Variants in TMPRSS5 observed in about 807,000 individuals in gnomAD.
The protein encoded by TMPRSS5 is transmembrane protease serine 5.
A neutral mutation model predicts 59.7 loss-of-function variants in TMPRSS5; 45 were observed. The observed-to-expected ratio is 0.75, with a 90% CI of 0.59 to 0.97. TMPRSS5 has a LOEUF of 0.97. TMPRSS5 is among the 50% of genes least tolerant of loss of function. The probability of loss-of-function intolerance (pLI) is 0.00; values close to 1 mark genes in which losing one functional copy is unlikely to be tolerated. For synonymous variants in TMPRSS5, 225 were observed against 232.0 expected (o/e 0.97, Z 0.27); for missense variants, 585 against 596.7 (o/e 0.98, Z 0.20).
Position 113,694,992 on chromosome 11 carries a change from AG to A in TMPRSS5, c.623-353del, listed in dbSNP as rs1173617750. Among the ~76,000 whole-genome samples the A allele has an allele frequency of 2.0e-5, 3 of 152,214 alleles. No homozygotes were observed. In the South Asian group the frequency reaches 6.2e-4, roughly 32 times the overall value. ...GTAGATGAACGGGAAGACCAATGAA[AG>A]GAACTCCACAGATTGCTTCCCGTTT... On this transcript the variant is annotated intron_variant, in intron 7 of 12. Transcript: ENST00000299882.
chr11:113,689,358 A>G (rs1419566701), intron 12 of TMPRSS5, among the ~76,000 whole-genome samples: 2 of 152,068 alleles, frequency 1.3e-5, no homozygotes, highest in Non-Finnish European at 2.9e-5. Flanking sequence ...CTCCATCTCA[A>G]AAAAAAACAA....
rs536292107 is a variant in TMPRSS5, at chr11:113,693,945, C to A, written c.785+533G>T. 9.9e-5 allele frequency among the ~76,000 whole-genome samples: 15 copies of A among 152,262 alleles called. No homozygotes were observed. The South Asian group carries it at 3.1e-3, about 32-fold the overall frequency. ...GATAAGCCTGAAGAAACACAGGATA[C>A]TGTGAATGTGAAAGTATTTTTAACA... is the stretch of plus-strand genomic sequence containing the variant. On this transcript the variant is annotated intron_variant, in intron 8 of 12. Coordinates refer to ENST00000299882, the MANE Select transcript of TMPRSS5 (RefSeq NM_030770.4).
intron 8 of TMPRSS5, chr11:113,693,595 T>C (rs1340625142): frequency 5.4e-6 from 1 of 185,474 alleles, no homozygotes; most frequent in Non-Finnish European, 1.1e-5. Flanking sequence ...GTCCCATCTC[T>C]CAACTTACTG....
intron 12 of TMPRSS5, among the ~76,000 whole-genome samples, chr11:113,688,754 G>T (rs1233904503): frequency 6.6e-6 from 1 of 152,000 alleles, no homozygotes; most frequent in Non-Finnish European, 1.5e-5. Context: ...GTATAGACAG[G>T]GTTTCACCAT....
intron 4 of TMPRSS5, among the ~76,000 whole-genome samples, chr11:113,698,663 C>T (rs531866205): frequency 6.6e-6 from 1 of 152,358 alleles, no homozygotes. Context: ...TTCCATCCCT[C>T]CTGCCAGCCT....
At chr11:113,699,531 C>A (rs767686674) in intron 3 of TMPRSS5, 64 bp downstream of exon 3, 24 of 1,377,444 alleles carry the variant, frequency 1.7e-5, no homozygotes, top group Non-Finnish European at 2.4e-5. Flanking sequence ...CCTTTAACAC[C>A]TGCTCAGCAC....
chr11:113,697,549 T>G, intron 4 of TMPRSS5, 131 bp from the exon 5 acceptor site: 1 of 1,050,924 alleles, frequency 9.5e-7, no homozygotes, highest in Non-Finnish European at 1.4e-6. Context: ...CAGTGCCAAG[T>G]TCCCTGCTCC....
At position 113,706,254 on chromosome 11, in the gene TMPRSS5, A is replaced by G; in HGVS notation, c.-30T>C. The G allele has an allele frequency of 6.3e-7, 1 of 1,598,624 alleles. No homozygotes were observed. The highest frequency in any genetic ancestry group is 1.7e-4 in the Middle Eastern group (1 of 6,036). On this transcript the variant is annotated 5_prime_UTR_variant, in exon 1 of 13. Transcript: ENST00000299882. ...GTCAGTGGCACTGTTGTAAAGCCTC[A>G]GGGTCTACTAGGCAATGTTCCGCTC... is the stretch of plus-strand genomic sequence containing the variant.
At chr11:113,691,852 T>TATTTCG (rs1445011455) in intron 9 of TMPRSS5, among the ~76,000 whole-genome samples, 1 of 150,520 alleles carries the variant, frequency 6.6e-6, no homozygotes, top group Non-Finnish European at 1.5e-5. Context: ...TAAATACACT[T>TATTTCG]ATTTCGGTCA....
chr11:113,705,710 C>T (rs895445379), intron 1 of TMPRSS5, among the ~76,000 whole-genome samples: 1 of 152,174 alleles, frequency 6.6e-6, no homozygotes, highest in Non-Finnish European at 1.5e-5. Flanking sequence ...TGTGTGATTG[C>T]TCTTGAGCTG....
At chr11:113,693,348 TG>T in intron 8 of TMPRSS5, 99 bp from the exon 9 acceptor site, 7 of 1,342,054 alleles carry the variant, frequency 5.2e-6, no homozygotes, top group Non-Finnish European at 6.9e-6. Context: ...CAGCCATTGG[TG>T]GGGGGGCCGT....
chr11:113,698,834 G>T, intron 4 of TMPRSS5, 71 bp downstream of exon 4: 20 of 1,536,746 alleles, frequency 1.3e-5, no homozygotes, highest in Non-Finnish European at 1.7e-5. Context: ...TTCAGTGTCG[G>T]TTCTCTTGCC....
chr11:113,703,592 C>T (rs1953201536), intron 1 of TMPRSS5, among the ~76,000 whole-genome samples: 1 of 152,156 alleles, frequency 6.6e-6, no homozygotes, highest in South Asian at 2.1e-4. Flanking sequence ...TTGGCTCTCC[C>T]CTCACCCACA....
chr11:113,697,236 C>G, intron 5 of TMPRSS5, 47 bp downstream of exon 5: 1 of 1,578,412 alleles, frequency 6.3e-7, no homozygotes, highest in Non-Finnish European at 8.6e-7. Flanking sequence ...CCATCCCACA[C>G]CAGCCAGGCC....
At chr11:113,699,723 T>A in intron 2 of TMPRSS5, 30 bp from the exon 3 acceptor site, 1 of 1,545,790 alleles carries the variant, frequency 6.5e-7, no homozygotes, top group Non-Finnish European at 8.8e-7. Flanking sequence ...GGTATCTGGG[T>A]CCCCTGCTCC....
At chr11:113,691,892 C>CTTTTCTTTT (rs1555023401) in intron 9 of TMPRSS5, among the ~76,000 whole-genome samples, 1 of 121,114 alleles carries the variant, frequency 8.3e-6, no homozygotes, top group Non-Finnish European at 1.6e-5. Flanking sequence ...CCTTTTTTTT[C>CTTTTCTTTT]TTTTTTTTTT....
At position 113,697,175 on chromosome 11, in the gene TMPRSS5, A is replaced by T. The variant is rs1952952461; in HGVS notation, c.464+108T>A. ...AGAAGATGGCCAAAAAGACCTCTTGACATTTCCTGAGCACATTGACCAGTG... is the reference window on the plus strand; with the variant it reads ...AGAAGATGGCCAAAAAGACCTCTTGTCATTTCCTGAGCACATTGACCAGTG... On this transcript the variant is annotated intron_variant, in intron 5 of 12. Transcript: ENST00000299882. 4.1e-6 allele frequency: 6 copies of T among 1,476,782 alleles called. No individual in the cohort carries two copies. In the East Asian group the frequency reaches 1.4e-4, roughly 34 times the overall value. The allele number at this position is 1,476,782 out of a possible 1,614,324, so 91.5% of individuals were successfully genotyped here. A position where few individuals can be genotyped will look rare whatever the true frequency, so the allele number is the denominator to read the frequency against.
chr11:113,699,859 G>T, intron 2 of TMPRSS5, 166 bp from the exon 3 acceptor site: 1 of 1,431,304 alleles, frequency 7.0e-7, no homozygotes, highest in Middle Eastern at 2.1e-4. Flanking sequence ...GGGGAGGATG[G>T]AGAGGGCCTG....
intron 11 of TMPRSS5, 59 bp downstream of exon 11, chr11:113,690,172 C>T (rs1176587283): frequency 2.6e-6 from 2 of 755,738 alleles, no homozygotes; most frequent in Admixed American, 2.9e-5. Flanking sequence ...ACAGCAGGCC[C>T]CCTGCCCTCC....
Sources: allele counts gnomAD v4.1 joint callset (sites outside exome capture counted in the v4.1 genomes callset), GRCh38; gene constraint gnomAD v4.1.1; transcripts MANE v1.5; gene names NCBI Gene and HGNC (gene_info 2026-07-23, HGNC 2026-07-21).